ANO1: variants seen among roughly 807,000 people sequenced by gnomAD.
The protein encoded by ANO1 is anoctamin 1, also known as anoctamin-1.
ANO1 carries 59 observed loss-of-function variants against 124.0 expected under a neutral mutation model. That is an observed-to-expected ratio of 0.48 (90% CI 0.39 to 0.59). The LOEUF is 0.59. Among genes scored for constraint, ANO1 ranks in the 20% least tolerant of loss-of-function variants. ANO1 has a pLI of 0.00. For synonymous variants in ANO1, 529 were observed against 532.0 expected, an observed-to-expected ratio of 0.99 and a Z score of 0.08; for missense variants, 1,059 against 1,328.0, an observed-to-expected ratio of 0.80 and a Z score of 3.15.
chr11:70,014,848 T>C (rs1179362547), intron 1 of ANO1: 3 of 149,578 alleles, frequency 2.0e-5, no homozygotes, highest in Non-Finnish European at 4.4e-5. Context: ...TTTTCTTTTT[T>C]TTTTTTTTAG....
At chr11:70,113,818 C>A (rs951350826) in intron 7 of ANO1, among the ~76,000 whole-genome samples, 6 of 152,094 alleles carry the variant, frequency 3.9e-5, no homozygotes, top group Admixed American at 2.0e-4. Context: ...ATAACCTGTG[C>A]AGACACAGAG....
At chr11:70,152,291 C>T (rs187951801) in intron 12 of ANO1, among the ~76,000 whole-genome samples, 159 bp from the exon 13 acceptor site, 168 of 146,940 alleles carry the variant, frequency 1.1e-3, no homozygotes, top group African/African-American at 4.0e-3. Context: ...GCTGAGACCG[C>T]GCCATTGCAC....
chr11:69,991,366 C>T (rs575500799), intron 1 of ANO1, among the ~76,000 whole-genome samples: 2 of 152,288 alleles, frequency 1.3e-5, no homozygotes, highest in African/African-American at 2.4e-5. Flanking sequence ...TGGACATTCA[C>T]GAGGAGACAG....
chr11:70,155,971 A>G lies in ANO1; in HGVS notation c.1486A>G (p.Met496Val). ...ATGGAAGCAGAGGGTTAAGACAGCCATGGCGGGGGTGAAATTGGTACTTTT... is the reference window on the plus strand; with the variant it reads ...ATGGAAGCAGAGGGTTAAGACAGCCGTGGCGGGGGTGAAATTGGTACTTTT... ...NKWKQRVKTA[M>V]AGVKLTDKVK... Residue 496 changes from methionine to valine, a missense_variant, in exon 15 of 26, where the codon ATG becomes GTG. Transcript: ENST00000355303. The G allele has an allele frequency of 6.5e-7, 1 of 1,528,718 alleles. No homozygotes were observed. The highest frequency in any genetic ancestry group is 1.4e-5 in the African/African-American group (1 of 71,354). The allele number at this position is 1,528,718 out of a possible 1,614,324, so 94.7% of individuals were successfully genotyped here. A position where few individuals can be genotyped will look rare whatever the true frequency, so the allele number is the denominator to read the frequency against.
intron 14 of ANO1, among the ~76,000 whole-genome samples, chr11:70,154,898 C>G (rs1355549623): frequency 6.6e-6 from 1 of 152,256 alleles, no homozygotes; most frequent in Non-Finnish European, 1.5e-5. Flanking sequence ...TGTGCACGCC[C>G]GGGTGCCAGC....
intron 3 of ANO1, 142 bp downstream of exon 3, chr11:70,103,306 A>C: frequency 1.5e-6 from 1 of 674,752 alleles, no homozygotes; most frequent in Non-Finnish European, 2.5e-6. Context: ...CCCTGCAAAG[A>C]CCATGTGGCT....
chr11:70,093,496 C>A (rs117987680), intron 2 of ANO1, among the ~76,000 whole-genome samples: 1 of 152,196 alleles, frequency 6.6e-6, no homozygotes, highest in East Asian at 1.9e-4. Flanking sequence ...GGGGTCATTG[C>A]GGAGAACGCC....
chr11:70,064,300 G>A (rs1857666445), intron 1 of ANO1: 1 of 152,256 alleles, frequency 6.6e-6, no homozygotes, highest in African/African-American at 2.4e-5. Flanking sequence ...TCACCCTCCT[G>A]GTGGGGGTTC....
intron 5 of ANO1, among the ~76,000 whole-genome samples, chr11:70,107,793 G>A (rs12420059): frequency 0.13 from 19,539 of 151,156 alleles, 1,698 homozygotes; most frequent in Admixed American, 0.23. Context: ...GCAGGCAGCC[G>A]GGGGGGAATC....
chr11:69,990,462 G>A (rs1389754482), intron 1 of ANO1, among the ~76,000 whole-genome samples: 5 of 152,194 alleles, frequency 3.3e-5, no homozygotes, highest in African/African-American at 1.2e-4. Context: ...ATTTGCATGT[G>A]AGTGTCTGTT....
At chr11:69,988,340 C>T (rs782265510) in intron 1 of ANO1, among the ~76,000 whole-genome samples, 7 of 152,202 alleles carry the variant, frequency 4.6e-5, no homozygotes, top group Non-Finnish European at 1.0e-4. Context: ...GGTCTCAATC[C>T]CAGCTTTGCC....
Position 70,182,630 on chromosome 11 carries a change from G to C in ANO1, c.2532G>C (p.Gln844His). 6.2e-7 allele frequency: 1 copy of C among 1,613,290 alleles called. No homozygotes were observed. The highest frequency in any genetic ancestry group is 8.5e-7 in the Non-Finnish European group (1 of 1,179,554). The change falls in exon 24 of 26, where the codon CAG (glutamine) becomes CAC (histidine). Residue 844 changes from glutamine to histidine, a missense_variant. Physicochemically the swap from Gln to His is conservative, Grantham distance 24. This residue lies in a region of ANO1 where 809 missense variants were observed against 1,094.9 expected (regional missense o/e 0.74). Coordinates refer to ENST00000355303, the MANE Select transcript of ANO1 (RefSeq NM_018043.7). ...CCTCCTTCAACGTCAGTGACTTCCA[G>C]AACGGCACGGCCCCCAATGACCCCC... is the stretch of plus-strand genomic sequence containing the variant. ...TLSSFNVSDF[Q>H]NGTAPNDPLD...
chr11:70,168,851 T>C (rs2048350949), intron 21 of ANO1, among the ~76,000 whole-genome samples: 1 of 152,156 alleles, frequency 6.6e-6, no homozygotes, highest in Non-Finnish European at 1.5e-5. Context: ...ATTGTCCACA[T>C]ATGTCGCTCC....
Position 70,095,312 on chromosome 11 carries a change from GA to G in ANO1, c.441+7231del, listed in dbSNP as rs1565193436. Among the ~76,000 whole-genome samples the G allele has an allele frequency of 3.0e-4, 40 of 133,628 alleles. 1 individual carries two copies. Among genetic ancestry groups the G allele is most frequent in the South Asian group, 1.5e-3 (6 of 4,118 alleles). 87.7% of individuals were successfully genotyped at this position (133,628 alleles called of 152,430 possible). A position where few individuals can be genotyped will look rare whatever the true frequency, so the allele number is the denominator to read the frequency against. ...GGAAGGAAGGAAGGAAAGAAAGAAA[GA>G]AAGAAAGGAAAGAAAGAAAGGAAAG... On this transcript the variant is annotated intron_variant, in intron 2 of 25. Coordinates refer to ENST00000355303, the MANE Select transcript of ANO1 (RefSeq NM_018043.7).
chr11:69,985,029 G>A (rs1283901647), upstream of ANO1, among the ~76,000 whole-genome samples: 1 of 152,194 alleles, frequency 6.6e-6, no homozygotes, highest in African/African-American at 2.4e-5. Flanking sequence ...GCCCTCCGTA[G>A]GGCCCACATT....
the ANO1 span, among the ~76,000 whole-genome samples, chr11:69,974,891 A>G: frequency 6.9e-5 from 2 of 29,016 alleles, no homozygotes; most frequent in Non-Finnish European, 2.8e-4. Context: ...CGTCTCTAAA[A>G]AAAAAAAAAA....
chr11:70,165,457 T>C lies in ANO1; in HGVS notation c.1951-13T>C. On this transcript the variant is annotated splice_polypyrimidine_tract_variant and intron_variant, in intron 19 of 25. Transcript: ENST00000355303. ...GTCCCTGTAGCGTGGCTGATGCTGCTCTCTGTCCACAGTGTGCGCCAGGGG... is the reference window on the plus strand; with the variant it reads ...GTCCCTGTAGCGTGGCTGATGCTGCCCTCTGTCCACAGTGTGCGCCAGGGG... 6.2e-7 allele frequency: 1 copy of C among 1,600,964 alleles called. No individual in the cohort carries two copies. The highest frequency in any genetic ancestry group is 8.5e-7 in the Non-Finnish European group (1 of 1,173,672).
intron 1 of ANO1, among the ~76,000 whole-genome samples, chr11:70,005,353 A>G (rs1646410810): frequency 1.3e-5 from 2 of 152,342 alleles, no homozygotes; most frequent in Middle Eastern, 3.4e-3. Flanking sequence ...CTGATATATC[A>G]GAGCATAAGG....
At chr11:70,184,146 G>A in intron 24 of ANO1, among the ~76,000 whole-genome samples, 1 of 152,230 alleles carries the variant, frequency 6.6e-6, no homozygotes, top group East Asian at 1.9e-4. Context: ...CCTCATGGGG[G>A]CATTTTCTGT....
Sources: gnomAD v4.1 joint callset for allele counts (sites outside exome capture counted in the v4.1 genomes callset) on GRCh38, gnomAD v4.1.1 for gene constraint, gnomAD v4.1.1 regional missense constraint, MANE v1.5 for transcripts, NCBI Gene and HGNC (gene_info 2026-07-23, HGNC 2026-07-21) for gene names.